Variants in EYA2 observed in about 807,000 individuals in gnomAD.
EYA2 encodes the protein EYA transcriptional coactivator and phosphatase 2.
Under a neutral mutation model 69.2 loss-of-function variants are expected in EYA2, and 31 were observed. The ratio of observed to expected loss-of-function variants is 0.45; its 90% CI spans 0.34 to 0.60. The LOEUF (loss-of-function observed/expected upper bound fraction) is 0.60. Ranked by LOEUF, EYA2 falls within the 20% of genes least tolerant of loss-of-function variation. EYA2 has a pLI of 0.02. For synonymous variants in EYA2, 257 were observed against 279.4 expected, an observed-to-expected ratio of 0.92 and a Z score of 0.80; for missense variants, 622 against 701.2, an observed-to-expected ratio of 0.89 and a Z score of 1.28.
At chr20:47,084,835 T>A (rs1242316274) in intron 7 of EYA2, among the ~76,000 whole-genome samples, 1 of 9,454 alleles carries the variant, frequency 1.1e-4, no homozygotes, top group Non-Finnish European at 7.8e-4. Flanking sequence ...TGTTTCTTTC[T>A]TTTTTTTTTT....
chr20:47,142,879 G>A (rs948601124), intron 9 of EYA2, among the ~76,000 whole-genome samples, 180 bp from the exon 10 acceptor site: 2 of 151,408 alleles, frequency 1.3e-5, no homozygotes, highest in African/African-American at 2.5e-5. Flanking sequence ...GTGAGATCCC[G>A]GAAGCTGTAC....
Position 47,062,886 on chromosome 20 carries a change from T to G in EYA2, c.416-9299T>G, listed in dbSNP as rs191161791. 8.5e-3 allele frequency among the ~76,000 whole-genome samples: 1,290 copies of G among 152,206 alleles called. 11 individuals carry two copies. Among genetic ancestry groups the G allele is most frequent in the Middle Eastern group, 0.014 (4 of 294 alleles). On this transcript the variant is annotated intron_variant, in intron 5 of 15. Coordinates refer to ENST00000327619, the MANE Select transcript of EYA2 (RefSeq NM_005244.5). ...TGAAGGCATCTTTGAACCTCAGATA[T>G]AGTCTCTTCTCTCGGGCCTCAAGGT...
At chr20:47,163,698 CAAA>C (rs11471495) in intron 10 of EYA2, among the ~76,000 whole-genome samples, 17,673 of 85,656 alleles carry the variant, frequency 0.21, 1,330 homozygotes, top group African/African-American at 0.28. Context: ...AACACTGTCT[CAAA>C]AAAAAAAAAA....
At chr20:47,016,062 C>T (rs1983388443) in intron 4 of EYA2, 119 bp from the exon 5 acceptor site, 8 of 764,082 alleles carry the variant, frequency 1.0e-5, no homozygotes, top group South Asian at 3.2e-5. Context: ...TTTGCAACTC[C>T]TCATTTGGAA....
chr20:47,120,193 G>GCAAGA (rs1323839485), intron 9 of EYA2, among the ~76,000 whole-genome samples: 1 of 151,970 alleles, frequency 6.6e-6, no homozygotes, highest in African/African-American at 2.4e-5. Flanking sequence ...GGATGACAGA[G>GCAAGA]CAAGACTCCG....
intron 5 of EYA2, among the ~76,000 whole-genome samples, chr20:47,019,971 TAAAA>T (rs113968732): frequency 7.5e-6 from 1 of 133,010 alleles, no homozygotes; most frequent in Non-Finnish European, 1.6e-5. Flanking sequence ...ACCCTATCTT[TAAAA>T]AAAAAAAAAA....
At chr20:47,153,409 G>A (rs1265757557) in intron 10 of EYA2, among the ~76,000 whole-genome samples, 2 of 151,812 alleles carry the variant, frequency 1.3e-5, no homozygotes, top group African/African-American at 2.4e-5. Context: ...TGGAGGCTGA[G>A]GCGGGAGGAT....
At chr20:46,922,782 A>G (rs891970873) in intron 1 of EYA2, among the ~76,000 whole-genome samples, 1 of 151,284 alleles carries the variant, frequency 6.6e-6, no homozygotes, top group Non-Finnish European at 1.5e-5. Flanking sequence ...AGCATTTTGC[A>G]TGGTCTTAAG....
intron 4 of EYA2, among the ~76,000 whole-genome samples, chr20:47,010,685 A>ATG (rs143651128): frequency 0.021 from 3,077 of 148,094 alleles, 52 homozygotes; most frequent in Middle Eastern, 0.06. Context: ...ACATATATAT[A>ATG]TGTGTATGTG....
At chr20:46,934,106 G>C (rs1440034665) in intron 1 of EYA2, among the ~76,000 whole-genome samples, 1 of 152,202 alleles carries the variant, frequency 6.6e-6, no homozygotes, top group Non-Finnish European at 1.5e-5. Flanking sequence ...GCATGGCTCG[G>C]AGGCACTGAC....
intron 9 of EYA2, among the ~76,000 whole-genome samples, chr20:47,135,565 A>G (rs2033443975): frequency 3.3e-5 from 5 of 151,982 alleles, no homozygotes; most frequent in Admixed American, 2.6e-4. Context: ...TCCCACAGTC[A>G]CATAAACCAG....
chr20:47,063,378 T>TGTGC (rs2030972639), intron 5 of EYA2, among the ~76,000 whole-genome samples: 1 of 132,852 alleles, frequency 7.5e-6, no homozygotes, highest in African/African-American at 3.2e-5. Flanking sequence ...TTTATTTGTG[T>TGTGC]GTGTGTGCGT....
chr20:46,925,780 T>C (rs1222930078), intron 1 of EYA2, among the ~76,000 whole-genome samples: 4 of 152,220 alleles, frequency 2.6e-5, no homozygotes, highest in Non-Finnish European at 4.4e-5. Flanking sequence ...AGATTACAAG[T>C]GCACCCTCCT....
At chr20:46,952,680 G>A (rs913766792) in intron 1 of EYA2, among the ~76,000 whole-genome samples, 1 of 152,148 alleles carries the variant, frequency 6.6e-6, no homozygotes, top group Admixed American at 6.5e-5. Flanking sequence ...AGGCCACCCC[G>A]CACCTGGAGG....
chr20:46,926,605 A>G, intron 1 of EYA2, among the ~76,000 whole-genome samples: 1 of 152,042 alleles, frequency 6.6e-6, no homozygotes, highest in East Asian at 1.9e-4. Flanking sequence ...TCAAATTCTC[A>G]TCTCATCCAG....
At chr20:47,147,349 C>G (rs1275685120) in intron 10 of EYA2, among the ~76,000 whole-genome samples, 1 of 152,124 alleles carries the variant, frequency 6.6e-6, no homozygotes, top group Non-Finnish European at 1.5e-5. Context: ...AGCCACCGCA[C>G]CCAGGCTCTT....
At chr20:47,000,861 C>T (rs1982322098) in intron 2 of EYA2, among the ~76,000 whole-genome samples, 1 of 152,094 alleles carries the variant, frequency 6.6e-6, no homozygotes, top group Non-Finnish European at 1.5e-5. Context: ...GCCAGCTGCA[C>T]CTGCACTCCA....
At position 47,072,255 on chromosome 20, in the gene EYA2, A is replaced by G. The variant is rs2031341989; in HGVS notation, c.483+3A>G. 1 of 1,610,082 alleles carries G rather than the reference A, an allele frequency of 6.2e-7. No individual in the cohort carries two copies. Among genetic ancestry groups the G allele is most frequent in the Non-Finnish European group, 8.5e-7 (1 of 1,177,792 alleles). On this transcript the variant is annotated splice_donor_region_variant and intron_variant, in intron 6 of 15. Coordinates refer to ENST00000327619, the MANE Select transcript of EYA2 (RefSeq NM_005244.5). ...CCGGTTTCGGGAGTGTGCACCAGGT[A>G]GACATGGCTCCCTCCCGATTCTTTC...
intron 2 of EYA2, among the ~76,000 whole-genome samples, chr20:46,994,653 G>A (rs1981897817): frequency 6.6e-6 from 1 of 152,136 alleles, no homozygotes; most frequent in Non-Finnish European, 1.5e-5. Flanking sequence ...CCAGGTGCTG[G>A]CCTGGGGAAC....
Sources: allele counts gnomAD v4.1 joint callset (sites outside exome capture counted in the v4.1 genomes callset), GRCh38; gene constraint gnomAD v4.1.1; transcripts MANE v1.5; gene names NCBI Gene and HGNC (gene_info 2026-07-23, HGNC 2026-07-21).